ATE1: variants seen among roughly 807,000 people sequenced by gnomAD.
The protein encoded by ATE1 is arginyl-tRNA--protein transferase 1.
Under a neutral mutation model 70.5 loss-of-function variants are expected in ATE1, and 36 were observed. That is an observed-to-expected ratio of 0.51 (90% CI 0.39 to 0.67). The LOEUF is 0.67. Ranked by LOEUF, ATE1 falls within the 30% of genes least tolerant of loss-of-function variation. The probability of loss-of-function intolerance (pLI) is 0.00; values close to 1 mark genes in which losing one functional copy is unlikely to be tolerated. For synonymous variants in ATE1, 232 were observed against 219.3 expected, an observed-to-expected ratio of 1.06 and a Z score of -0.51; for missense variants, 593 against 629.5, an observed-to-expected ratio of 0.94 and a Z score of 0.62.
At chr10:121,796,916 C>T (rs575727520) in intron 10 of ATE1, among the ~76,000 whole-genome samples, 1 of 152,278 alleles carries the variant, frequency 6.6e-6, no homozygotes, top group East Asian at 1.9e-4. Context: ...TCATATTGAT[C>T]CAATTTCTTA....
intron 10 of ATE1, among the ~76,000 whole-genome samples, chr10:121,814,349 G>A (rs1407991244): frequency 6.6e-6 from 1 of 152,188 alleles, no homozygotes; most frequent in African/African-American, 2.4e-5. Context: ...AGAGCTATAT[G>A]AAACACCACA....
intron 11 of ATE1, among the ~76,000 whole-genome samples, chr10:121,761,797 T>C (rs1945050774): frequency 2.0e-5 from 3 of 152,236 alleles, no homozygotes; most frequent in African/African-American, 4.8e-5. Context: ...ATATAATCTC[T>C]GTAAATTATA....
chr10:121,749,776 C>T (rs1416190388), intron 11 of ATE1, among the ~76,000 whole-genome samples: 2 of 152,160 alleles, frequency 1.3e-5, no homozygotes, highest in African/African-American at 4.8e-5. Context: ...AAACACCCAT[C>T]CAAGTTACCA....
chr10:121,873,449 G>A (rs550905729), intron 7 of ATE1, among the ~76,000 whole-genome samples: 17 of 151,808 alleles, frequency 1.1e-4, no homozygotes, highest in South Asian at 2.1e-4. Context: ...ATTCATCATC[G>A]GTAGCCTGAC....
intron 7 of ATE1, chr10:121,899,080 C>A: frequency 7.8e-7 from 1 of 1,276,076 alleles, no homozygotes; most frequent in Non-Finnish European, 1.1e-6. Flanking sequence ...AGCTCGAACT[C>A]GAATTTGTCA....
chr10:121,831,417 T>A (rs923140829), intron 10 of ATE1, among the ~76,000 whole-genome samples: 1 of 152,162 alleles, frequency 6.6e-6, no homozygotes. Flanking sequence ...ACACATTCCA[T>A]AACACAGCTA....
intron 10 of ATE1, among the ~76,000 whole-genome samples, chr10:121,822,198 T>C (rs1408391879): frequency 6.6e-6 from 1 of 152,210 alleles, no homozygotes; most frequent in African/African-American, 2.4e-5. Flanking sequence ...TAGTATACCA[T>C]ACCCAGCAAT....
chr10:121,822,125 C>T (rs768705468), intron 10 of ATE1, among the ~76,000 whole-genome samples: 8 of 152,008 alleles, frequency 5.3e-5, no homozygotes, highest in Non-Finnish European at 8.8e-5. Context: ...TTATATTAGC[C>T]AAAACCTAGA....
At chr10:121,924,483 A>G (rs374541157) in intron 1 of ATE1, among the ~76,000 whole-genome samples, 154 bp from the exon 2 acceptor site, 1 of 152,186 alleles carries the variant, frequency 6.6e-6, no homozygotes, top group East Asian at 1.9e-4. Context: ...GGCAAATCAC[A>G]AGGTCAGGAG....
chr10:121,916,297 T>A (rs770550657), intron 3 of ATE1, among the ~76,000 whole-genome samples: 4 of 152,084 alleles, frequency 2.6e-5, no homozygotes, highest in Non-Finnish European at 5.9e-5. Flanking sequence ...GACAAAGGTA[T>A]GAGGATCAGA....
intron 10 of ATE1, among the ~76,000 whole-genome samples, chr10:121,832,385 C>T (rs767163900): frequency 1.3e-5 from 2 of 152,178 alleles, no homozygotes; most frequent in African/African-American, 4.8e-5. Context: ...AGGTTCCCTA[C>T]GTTGTAGCAC....
At chr10:121,833,368 C>T (rs534315204) in intron 10 of ATE1, among the ~76,000 whole-genome samples, 1 of 151,960 alleles carries the variant, frequency 6.6e-6, no homozygotes, top group African/African-American at 2.4e-5. Flanking sequence ...TTAGTATTTT[C>T]ATTCATTAGT....
intron 8 of ATE1, among the ~76,000 whole-genome samples, chr10:121,860,780 T>TAAAA (rs1436337658): frequency 5.6e-4 from 86 of 152,340 alleles, no homozygotes; most frequent in African/African-American, 1.9e-3. Context: ...AGTGAGGCAC[T>TAAAA]GTCAAAAAGG....
intron 11 of ATE1, among the ~76,000 whole-genome samples, chr10:121,773,278 T>C (rs1345728728): frequency 6.6e-6 from 1 of 152,232 alleles, no homozygotes; most frequent in Non-Finnish European, 1.5e-5. Flanking sequence ...GTTTAAACAA[T>C]GAAAAGGTGT....
At position 121,858,762 on chromosome 10, in the gene ATE1, C is replaced by T. The variant is rs531591459; in HGVS notation, c.975+11244G>A. Among the ~76,000 whole-genome samples, 131 of 149,954 alleles carry T rather than the reference C, an allele frequency of 8.7e-4. 2 individuals are homozygous for T. Among genetic ancestry groups the T allele is most frequent in the Middle Eastern group, 3.5e-3 (1 of 286 alleles). ...TTTGGGGTCTGTCAACAAACATGCTCATCTTTGCCACTTTAAAATGTATAT... is the reference window on the plus strand; with the variant it reads ...TTTGGGGTCTGTCAACAAACATGCTTATCTTTGCCACTTTAAAATGTATAT... On this transcript the variant is annotated intron_variant, in intron 8 of 11. Transcript: ENST00000224652.
intron 8 of ATE1, among the ~76,000 whole-genome samples, chr10:121,854,051 G>A (rs1431823139): frequency 2.6e-5 from 4 of 152,090 alleles, no homozygotes; most frequent in African/African-American, 9.7e-5. Context: ...TAAATTTTGG[G>A]GGACTACCAA....
At chr10:121,767,209 A>G (rs991514914) in intron 11 of ATE1, among the ~76,000 whole-genome samples, 4 of 152,178 alleles carry the variant, frequency 2.6e-5, no homozygotes, top group Non-Finnish European at 5.9e-5. Flanking sequence ...CTCACGATAA[A>G]AACTCTCAGA....
chr10:121,927,855 C>CT lies in ATE1; in HGVS notation c.94dup (p.Ser32LysfsTer72). On this transcript the variant is annotated frameshift_variant, in exon 1 of 12. Coordinates refer to ENST00000224652, the MANE Select transcript of ATE1 (RefSeq NM_001001976.3). LOFTEE classifies it high-confidence loss of function. ...CCCGGCTCGCTCACCATTGGAGCGG[C>CT]TGCCCGACTCGTTCTTGCAGTAGCC... 1 of 1,577,244 alleles carries CT rather than the reference C, an allele frequency of 6.3e-7. No individual in the cohort carries two copies. Among genetic ancestry groups the CT allele is most frequent in the Non-Finnish European group, 8.6e-7 (1 of 1,164,858 alleles).
At chr10:121,848,617 A>G (rs1189673217) in intron 8 of ATE1, among the ~76,000 whole-genome samples, 2 of 150,592 alleles carry the variant, frequency 1.3e-5, no homozygotes, top group Non-Finnish European at 3.0e-5. Flanking sequence ...AAACTCAAAA[A>G]AAAAAAAAAA....
Sources: allele counts gnomAD v4.1 joint callset (sites outside exome capture counted in the v4.1 genomes callset), GRCh38; gene constraint gnomAD v4.1.1; transcripts MANE v1.5; gene names NCBI Gene and HGNC (gene_info 2026-07-23, HGNC 2026-07-21).